CCDC181: variants seen among roughly 807,000 people sequenced by gnomAD.
The protein encoded by CCDC181 is coiled-coil domain containing 181.
A neutral mutation model predicts 58.7 loss-of-function variants in CCDC181; 35 were observed. The ratio of observed to expected loss-of-function variants is 0.60; its 90% CI spans 0.46 to 0.79. CCDC181 has a LOEUF of 0.79. Ranked by LOEUF, CCDC181 falls within the 30% of genes least tolerant of loss-of-function variation. The probability of loss-of-function intolerance (pLI) is 0.00; values close to 1 mark genes in which losing one functional copy is unlikely to be tolerated. For missense variants in CCDC181, 517 were observed against 583.9 expected (o/e 0.89, Z 1.18); for synonymous variants, 183 against 197.5 (o/e 0.93, Z 0.62).
chr1:169,405,751 A>G (rs1185794730), intron 4 of CCDC181, among the ~76,000 whole-genome samples: 1 of 152,224 alleles, frequency 6.6e-6, no homozygotes, highest in East Asian at 1.9e-4. Flanking sequence ...GCATGGGCAA[A>G]GACTTCATGA....
At chr1:169,398,858 G>GTAA (rs1215814694) in intron 4 of CCDC181, among the ~76,000 whole-genome samples, 1 of 152,184 alleles carries the variant, frequency 6.6e-6, no homozygotes. Flanking sequence ...GGGAAGGAGG[G>GTAA]TAATAAACAC....
chr1:169,422,542 T>G (rs1656528253), intron 2 of CCDC181, among the ~76,000 whole-genome samples: 1 of 152,208 alleles, frequency 6.6e-6, no homozygotes, highest in Admixed American at 6.5e-5. Flanking sequence ...TTGATGTAGC[T>G]AAGTGCTACA....
chr1:169,396,144 T>A (rs1655021547), intron 5 of CCDC181: 1 of 152,246 alleles, frequency 6.6e-6, no homozygotes. Flanking sequence ...ACTTAGACAG[T>A]ATGCATACTG....
At chr1:169,395,254 A>C (rs1437134779) in intron 5 of CCDC181, 48 bp from the exon 6 acceptor site, 22 of 1,494,274 alleles carry the variant, frequency 1.5e-5, no homozygotes, top group Admixed American at 2.1e-5. Flanking sequence ...ACCTGAATAC[A>C]CTCTTCATGC....
chr1:169,402,280 C>T (rs1399936086), intron 4 of CCDC181, among the ~76,000 whole-genome samples: 1 of 152,150 alleles, frequency 6.6e-6, no homozygotes, highest in African/African-American at 2.4e-5. Flanking sequence ...GGCAGGCCAA[C>T]ATTCAAATTC....
At chr1:169,420,148 T>G (rs1656393104) in intron 3 of CCDC181, among the ~76,000 whole-genome samples, 3 of 152,164 alleles carry the variant, frequency 2.0e-5, no homozygotes, top group Admixed American at 2.0e-4. Flanking sequence ...CCTGTATAAC[T>G]TTTGTAAAAA....
At chr1:169,425,765 G>A (rs898742424) in intron 1 of CCDC181, among the ~76,000 whole-genome samples, 2 of 152,012 alleles carry the variant, frequency 1.3e-5, no homozygotes, top group Admixed American at 1.3e-4. Flanking sequence ...TTTCAGAGCA[G>A]GGATCTTGAA....
chr1:169,397,266 T>A lies in CCDC181; in HGVS notation c.1341A>T (p.Gly447=). ...KQEECLFFLK[G]TEGRERAFKQ... is the part of the protein sequence containing the mutation. ...TAAAGGCCCTTTCCCGGCCTTCTGTTCCTTTAAGGAAGAATAAACATTCCT... is the reference window on the plus strand; with the variant it reads ...TAAAGGCCCTTTCCCGGCCTTCTGTACCTTTAAGGAAGAATAAACATTCCT... Residue 447 remains glycine, a synonymous_variant, in exon 5 of 6, where the codon GGA becomes GGT. Coordinates refer to ENST00000367806, the MANE Select transcript of CCDC181 (RefSeq NM_001300969.2). 5 of 1,606,290 alleles carry A rather than the reference T, an allele frequency of 3.1e-6. No individual in the cohort carries two copies. The highest frequency in any genetic ancestry group is 4.2e-6 in the Non-Finnish European group (5 of 1,176,740).
upstream of CCDC181, among the ~76,000 whole-genome samples, chr1:169,430,616 A>G (rs1382812614): frequency 3.9e-5 from 6 of 152,024 alleles, no homozygotes; most frequent in Non-Finnish European, 8.8e-5. Flanking sequence ...CAGCAGTGCT[A>G]CTGTTACCGG....
upstream of CCDC181, among the ~76,000 whole-genome samples, chr1:169,430,985 A>G (rs180701846): frequency 1.2e-3 from 188 of 152,324 alleles, 2 homozygotes; most frequent in African/African-American, 4.2e-3. Context: ...GCTCTTTGCA[A>G]CCAATCAGGG....
At chr1:169,440,748 C>T (rs1049111327) in intron 2 of CCDC181, among the ~76,000 whole-genome samples, 1 of 151,836 alleles carries the variant, frequency 6.6e-6, no homozygotes. Context: ...AAAACCCCAT[C>T]TCTACTAAAA....
chr1:169,403,877 GT>G (rs2102051409), intron 4 of CCDC181, among the ~76,000 whole-genome samples: 1 of 152,250 alleles, frequency 6.6e-6, no homozygotes, highest in East Asian at 1.9e-4. Flanking sequence ...CCAGGAGCTG[GT>G]TTTTTGAAAA....
At chr1:169,420,914 A>T (rs1182576805) in intron 3 of CCDC181, among the ~76,000 whole-genome samples, 1 of 152,244 alleles carries the variant, frequency 6.6e-6, no homozygotes, top group African/African-American at 2.4e-5. Context: ...GAAATAAAAG[A>T]ATTGTAAGCA....
intron 4 of CCDC181, among the ~76,000 whole-genome samples, chr1:169,403,532 A>C (rs1655474924): frequency 6.6e-6 from 1 of 152,260 alleles, no homozygotes; most frequent in Non-Finnish European, 1.5e-5. Flanking sequence ...AACTACGTGG[A>C]AACTGAACAA....
chr1:169,410,499 C>T (rs917087411), intron 4 of CCDC181, among the ~76,000 whole-genome samples: 4 of 152,154 alleles, frequency 2.6e-5, no homozygotes, highest in African/African-American at 9.7e-5. Context: ...AGAAAATTAA[C>T]AAGGATATTC....
chr1:169,449,999 A>G (rs553288440), intron 2 of CCDC181, among the ~76,000 whole-genome samples: 2 of 152,340 alleles, frequency 1.3e-5, no homozygotes, highest in African/African-American at 4.8e-5. Flanking sequence ...TTCAGCTATA[A>G]TTCAGTTATG....
chr1:169,457,637 C>CTAGGTA (rs1163906075), intron 2 of CCDC181, among the ~76,000 whole-genome samples: 3 of 152,106 alleles, frequency 2.0e-5, no homozygotes, highest in Non-Finnish European at 4.4e-5. Context: ...AATTACTATA[C>CTAGGTA]TAGGTAATTT....
chr1:169,428,137 A>G (rs1472590393), upstream of CCDC181, among the ~76,000 whole-genome samples: 1 of 152,216 alleles, frequency 6.6e-6, no homozygotes, highest in Non-Finnish European at 1.5e-5. Context: ...GATGGAGAGC[A>G]CCTTTTCTCC....
chr1:169,442,246 T>C (rs537392762), intron 2 of CCDC181, among the ~76,000 whole-genome samples: 2 of 152,196 alleles, frequency 1.3e-5, no homozygotes, highest in African/African-American at 2.4e-5. Context: ...AAAATAGTTA[T>C]TCAGAACATA....
Sources: gnomAD v4.1 joint callset for allele counts (sites outside exome capture counted in the v4.1 genomes callset) on GRCh38, gnomAD v4.1.1 for gene constraint, MANE v1.5 for transcripts, NCBI Gene and HGNC (gene_info 2026-07-23, HGNC 2026-07-21) for gene names.